The following IL1RAPL1 variants were observed in gnomAD, a reference collection of about 807,000 sequenced individuals.
The protein encoded by IL1RAPL1 is interleukin-1 receptor accessory protein-like 1.
IL1RAPL1 carries 3 observed loss-of-function variants against 48.4 expected under a neutral mutation model. The observed-to-expected ratio is 0.06, with a 90% CI of 0.03 to 0.16. The LOEUF is 0.16. Ranked by LOEUF, IL1RAPL1 falls within the 10% of genes least tolerant of loss-of-function variation. The pLI is 1.00. For synonymous variants in IL1RAPL1, 185 were observed against 187.7 expected, an observed-to-expected ratio of 0.99 and a Z score of 0.12; for missense variants, 349 against 530.6, an observed-to-expected ratio of 0.66 and a Z score of 3.36.
chrX:28,691,047 C>A (rs1257908942), intron 1 of IL1RAPL1, among the ~76,000 whole-genome samples: 5 of 111,545 alleles, frequency 4.5e-5, no homozygotes, highest in African/African-American at 3.3e-5. Context: ...TTCAAACCTT[C>A]AGTGAACGAA....
In IL1RAPL1 at chrX:29,349,314, G is replaced by A. The variant is rs377688542; in HGVS notation, c.363-46944G>A. 2.0e-4 allele frequency among the ~76,000 whole-genome samples: 23 copies of A among 112,240 alleles called. 1 individual carries two copies. The highest frequency in any genetic ancestry group is 7.4e-4 in the African/African-American group (23 of 30,913). On this transcript the variant is annotated intron_variant, in intron 3 of 10. Coordinates refer to ENST00000378993, the MANE Select transcript of IL1RAPL1 (RefSeq NM_014271.4). ...GTCTTCTGACCTATAGTCAAACAAG[G>A]TAAGTGAGATCATTTCTTTATGGCC...
intron 1 of IL1RAPL1, among the ~76,000 whole-genome samples, chrX:28,762,186 G>A (rs1373370399): frequency 1.8e-5 from 2 of 111,189 alleles, no homozygotes; most frequent in Non-Finnish European, 3.8e-5. Flanking sequence ...TTCAATTGCT[G>A]ATCTATAAAT....
intron 1 of IL1RAPL1, among the ~76,000 whole-genome samples, chrX:28,765,081 C>T (rs756397715): frequency 1.7e-4 from 17 of 101,331 alleles, no homozygotes; most frequent in African/African-American, 6.2e-4. Flanking sequence ...CATGTTCTCA[C>T]TCATAGGTGG....
intron 2 of IL1RAPL1, among the ~76,000 whole-genome samples, chrX:29,210,310 G>C (rs767521448): frequency 1.8e-5 from 2 of 111,686 alleles, no homozygotes; most frequent in African/African-American, 6.5e-5. Context: ...AGGATTTACT[G>C]TTATATTTTG....
At chrX:29,036,986 T>G (rs766185531) in intron 2 of IL1RAPL1, among the ~76,000 whole-genome samples, 8 of 112,157 alleles carry the variant, frequency 7.1e-5, no homozygotes, top group Non-Finnish European at 1.3e-4. Context: ...TTTTAGAATA[T>G]GTGGTGTTAA....
At chrX:28,625,799 T>A (rs1242332531) in intron 1 of IL1RAPL1, among the ~76,000 whole-genome samples, 1 of 110,509 alleles carries the variant, frequency 9.0e-6, no homozygotes, top group East Asian at 2.8e-4. Flanking sequence ...GGTGCTTTCT[T>A]ATGCCTTTAT....
intron 2 of IL1RAPL1, among the ~76,000 whole-genome samples, chrX:28,814,121 TTTGA>T (rs776811203): frequency 3.5e-4 from 39 of 110,695 alleles, no homozygotes; most frequent in African/African-American, 1.2e-3. Flanking sequence ...TACGGTAATC[TTTGA>T]TTGGGAAATA....
intron 6 of IL1RAPL1, among the ~76,000 whole-genome samples, chrX:29,848,645 T>A: frequency 9.0e-6 from 1 of 111,594 alleles, no homozygotes; most frequent in Non-Finnish European, 1.9e-5. Context: ...AGTCATATTT[T>A]TTCAAAGGGA....
chrX:29,420,375 T>C (rs1470732737), intron 5 of IL1RAPL1, among the ~76,000 whole-genome samples: 1 of 112,671 alleles, frequency 8.9e-6, no homozygotes, highest in African/African-American at 3.2e-5. Context: ...CTTTCCTGTT[T>C]GAATGCTTCT....
At chrX:28,830,594 G>A (rs1221135881) in intron 2 of IL1RAPL1, among the ~76,000 whole-genome samples, 1 of 111,281 alleles carries the variant, frequency 9.0e-6, no homozygotes, top group Non-Finnish European at 1.9e-5. Flanking sequence ...TTAGTTATGT[G>A]CATATTCTTG....
At position 29,278,045 on chromosome X, in the gene IL1RAPL1, G is replaced by A. The variant is rs767165479; in HGVS notation, c.83-4893G>A. ...TTTTGGGTTTCGGATTTTCTGATTA[G>A]GGATGCTCAACTTTACTTTAAAGTA... On this transcript the variant is annotated intron_variant, in intron 2 of 10. Transcript: ENST00000378993. Among the ~76,000 whole-genome samples the A allele has an allele frequency of 9.9e-5, 11 of 111,299 alleles. No individual in the cohort carries two copies. In the East Asian group the frequency reaches 3.1e-3, roughly 32 times the overall value.
intron 2 of IL1RAPL1, among the ~76,000 whole-genome samples, chrX:29,048,389 C>T (rs1927021654): frequency 8.9e-6 from 1 of 112,031 alleles, no homozygotes; most frequent in Admixed American, 9.5e-5. Context: ...ATGATAATTA[C>T]TTCAAGTCTC....
At chrX:29,356,244 G>T (rs1325464523) in intron 3 of IL1RAPL1, among the ~76,000 whole-genome samples, 2 of 110,529 alleles carry the variant, frequency 1.8e-5, no homozygotes, top group Non-Finnish European at 3.8e-5. Flanking sequence ...GTGTGTACAC[G>T]TGTGTATCCA....
At chrX:28,875,075 C>G (rs781441303) in intron 2 of IL1RAPL1, among the ~76,000 whole-genome samples, 2 of 111,495 alleles carry the variant, frequency 1.8e-5, no homozygotes, top group Middle Eastern at 4.7e-3. Flanking sequence ...TTGTATTCAA[C>G]CTAGAAAACA....
At chrX:29,318,416 T>G (rs1691428275) in intron 3 of IL1RAPL1, among the ~76,000 whole-genome samples, 1 of 112,690 alleles carries the variant, frequency 8.9e-6, no homozygotes, top group African/African-American at 3.2e-5. Context: ...TGATGACGCA[T>G]TTTCCCTTTA....
At chrX:29,448,894 C>T (rs1177293435) in intron 5 of IL1RAPL1, among the ~76,000 whole-genome samples, 1 of 111,230 alleles carries the variant, frequency 9.0e-6, no homozygotes, top group Non-Finnish European at 1.9e-5. Flanking sequence ...TCTCTTCATT[C>T]TCACATGGCG....
chrX:29,459,517 G>A (rs187963394), intron 5 of IL1RAPL1, among the ~76,000 whole-genome samples: 4 of 111,330 alleles, frequency 3.6e-5, no homozygotes, highest in African/African-American at 1.3e-4. Flanking sequence ...GTAAACAAGC[G>A]AGCGGATTGG....
intron 2 of IL1RAPL1, among the ~76,000 whole-genome samples, chrX:28,995,687 T>C (rs1172115236): frequency 9.0e-6 from 1 of 111,323 alleles, no homozygotes; most frequent in Non-Finnish European, 1.9e-5. Context: ...CTGCTATTAG[T>C]CTTCTTAATG....
rs189007362 is a variant in IL1RAPL1 at position 29,120,640 on chromosome X, G to A, written c.83-162298G>A. ...CTATTGAGGCTATTTTTTGGGTTCCGTATGAATTTTAGAGTAGTTTTTTTT... is the reference window on the plus strand; with the variant it reads ...CTATTGAGGCTATTTTTTGGGTTCCATATGAATTTTAGAGTAGTTTTTTTT... On this transcript the variant is annotated intron_variant, in intron 2 of 10. Transcript: ENST00000378993. 2.3e-4 allele frequency among the ~76,000 whole-genome samples: 26 copies of A among 111,216 alleles called. 1 individual carries two copies. In the East Asian group the frequency reaches 6.2e-3, roughly 26 times the overall value.
Sources: allele counts gnomAD v4.1 joint callset (sites outside exome capture counted in the v4.1 genomes callset), GRCh38; gene constraint gnomAD v4.1.1; transcripts MANE v1.5; gene names NCBI Gene and HGNC (gene_info 2026-07-23, HGNC 2026-07-21).